The following CSMD2 variants were observed in gnomAD, a reference collection of about 807,000 sequenced individuals.
The protein encoded by CSMD2 is CUB and sushi domain-containing protein 2.
Under a neutral mutation model 398.5 loss-of-function variants are expected in CSMD2, and 130 were observed. The ratio of observed to expected loss-of-function variants is 0.33; its 90% confidence interval spans 0.28 to 0.38. CSMD2 has a LOEUF of 0.38. CSMD2 is among the 10% of genes least tolerant of loss of function. The probability of loss-of-function intolerance (pLI) is 1.00; values close to 1 mark genes in which losing one functional copy is unlikely to be tolerated. For missense variants in CSMD2, 3,829 were observed against 4,764.9 expected (o/e 0.80, Z 5.78); for synonymous variants, 1,828 against 1,908.5 (o/e 0.96, Z 1.10).
rs1652732058 is a variant in CSMD2 at position 33,781,290 on chromosome 1, C to T, written c.1663+7310G>A. On this transcript the variant is annotated intron_variant, in intron 12 of 70. Coordinates refer to ENST00000373381, the MANE Select transcript of CSMD2 (RefSeq NM_001281956.2). ...CCTTCAAGCAAGTCTCAGTTTCAGA[C>T]ATCACCTCCTCCAGGGAGACTCCCC... is the stretch of plus-strand genomic sequence containing the variant. 2.0e-5 allele frequency among the ~76,000 whole-genome samples: 3 copies of T among 152,260 alleles called. No individual in the cohort carries two copies. The South Asian group carries it at 6.2e-4, about 31-fold the overall frequency.
chr1:33,947,734 G>A (rs556500831), intron 3 of CSMD2, among the ~76,000 whole-genome samples: 4 of 152,328 alleles, frequency 2.6e-5, no homozygotes, highest in South Asian at 2.1e-4. Flanking sequence ...TTGAGTTCCC[G>A]TAGGGTGTCC....
Position 34,135,413 on chromosome 1 carries a change from G to A in CSMD2, c.187+29498C>T, listed in dbSNP as rs1431823167. Among the ~76,000 whole-genome samples the A allele has an allele frequency of 5.3e-5, 8 of 152,154 alleles. No individual in the cohort carries two copies. In the East Asian group the frequency reaches 7.7e-4, roughly 15 times the overall value. ...AGGCGGGTGGATCATGAGGTCAACA[G>A]ATCGAGACCATCTTGACCAACATGG... On this transcript the variant is annotated intron_variant, in intron 1 of 70. Coordinates refer to ENST00000373381, the MANE Select transcript of CSMD2 (RefSeq NM_001281956.2).
chr1:33,586,386 C>A (rs1367292549), intron 46 of CSMD2, 118 bp downstream of exon 46: 4 of 649,906 alleles, frequency 6.2e-6, no homozygotes, highest in South Asian at 1.7e-5. Context: ...ACCAAGTGAC[C>A]TTTCATGTTA....
chr1:33,533,087 C>T lies in CSMD2; in HGVS notation c.10134G>A (p.Ala3378=), dbSNP rs144512012. ...KGGSEHRTCK[A]DGSWTGKPPI... ...GCGGCTTGCCTGTCCAGCTGCCATC[C>T]GCCTTGCAGGTGCGGTGCTCGGAGC... Residue 3378 remains alanine, a synonymous_variant, in exon 64 of 71, where the codon GCG becomes GCA. Transcript: ENST00000373381. This position sits in a 1 kb window ranked among gnomAD's most constrained non-coding sequence, Gnocchi z 4.2. The T allele has an allele frequency of 1.1e-4, 177 of 1,613,540 alleles. No homozygotes were observed. In the East Asian group the frequency reaches 2.6e-3, roughly 24 times the overall value.
At chr1:34,025,194 G>A (rs1290649860) in intron 3 of CSMD2, among the ~76,000 whole-genome samples, 2 of 152,158 alleles carry the variant, frequency 1.3e-5, no homozygotes, top group Non-Finnish European at 2.9e-5. Context: ...GTTGCAACAC[G>A]CTGTGGTCCT....
intron 3 of CSMD2, among the ~76,000 whole-genome samples, chr1:33,994,261 G>A (rs1272798829): frequency 1.1e-4 from 17 of 152,108 alleles, no homozygotes; most frequent in Admixed American, 9.2e-4. Context: ...TATGCTTTGG[G>A]TTATGGGAGT....
At chr1:33,595,087 CA>C (rs1489145785) in intron 44 of CSMD2, among the ~76,000 whole-genome samples, 1 of 152,242 alleles carries the variant, frequency 6.6e-6, no homozygotes, top group East Asian at 1.9e-4. Flanking sequence ...CTTCACATCT[CA>C]TTCAAGTTTC....
At chr1:34,026,315 A>C (rs1649638917) in intron 3 of CSMD2, among the ~76,000 whole-genome samples, 1 of 152,172 alleles carries the variant, frequency 6.6e-6, no homozygotes, top group Non-Finnish European at 1.5e-5. Context: ...ATGGTTACCA[A>C]GGAGTCCACA....
chr1:33,731,169 T>C (rs1646705714), intron 15 of CSMD2, among the ~76,000 whole-genome samples: 1 of 152,198 alleles, frequency 6.6e-6, no homozygotes. Context: ...TTGGAAGGTG[T>C]TAGGGAATCA....
At position 33,636,581 on chromosome 1, in the gene CSMD2, C is replaced by T; in HGVS notation, c.4775-27G>A. 1 of 1,602,864 alleles carries T rather than the reference C, an allele frequency of 6.2e-7. No individual in the cohort carries two copies. On this transcript the variant is annotated intron_variant, in intron 29 of 70. Coordinates refer to ENST00000373381, the MANE Select transcript of CSMD2 (RefSeq NM_001281956.2). This position sits in a 1 kb window ranked among gnomAD's most constrained non-coding sequence, Gnocchi z 4.8. ...TGGGAAAAAGAAATACAAACACGTG[C>T]ACACACACAGAGGGCTCATGAGGAG... is the stretch of plus-strand genomic sequence containing the variant.
intron 3 of CSMD2, among the ~76,000 whole-genome samples, chr1:33,982,533 T>A (rs1384694172): frequency 6.6e-6 from 1 of 152,228 alleles, no homozygotes; most frequent in African/African-American, 2.4e-5. Context: ...AATGAGTTGA[T>A]GAATCTATCA....
chr1:33,745,696 A>T (rs1647292056), intron 13 of CSMD2, among the ~76,000 whole-genome samples: 1 of 152,196 alleles, frequency 6.6e-6, no homozygotes, highest in African/African-American at 2.4e-5. Context: ...CTGGTTCTTA[A>T]GACACATTCA....
chr1:33,708,282 G>A (rs1260041205), intron 22 of CSMD2, among the ~76,000 whole-genome samples: 1 of 151,922 alleles, frequency 6.6e-6, no homozygotes, highest in African/African-American at 2.4e-5. Flanking sequence ...GGCCATCATC[G>A]TAGTACACTG....
intron 5 of CSMD2, among the ~76,000 whole-genome samples, chr1:33,847,593 G>A (rs1199969133): frequency 2.0e-5 from 3 of 152,056 alleles, no homozygotes; most frequent in Non-Finnish European, 4.4e-5. Flanking sequence ...TCTGGCACAT[G>A]TTAGCTTAAT....
chr1:34,162,627 G>A (rs1316506245), intron 1 of CSMD2, among the ~76,000 whole-genome samples: 2 of 152,102 alleles, frequency 1.3e-5, no homozygotes, highest in Admixed American at 6.5e-5. Context: ...GGGAGGCAGA[G>A]GCAGGCGGAT....
intron 3 of CSMD2, among the ~76,000 whole-genome samples, chr1:33,976,573 C>T (rs891494493): frequency 2.0e-5 from 3 of 152,080 alleles, no homozygotes; most frequent in Non-Finnish European, 4.4e-5. Context: ...ATCCCTGACC[C>T]AAGGCAGAAG....
At chr1:33,718,265 T>C (rs1469493553) in intron 19 of CSMD2, among the ~76,000 whole-genome samples, 2 of 151,926 alleles carry the variant, frequency 1.3e-5, no homozygotes, top group African/African-American at 4.8e-5. Context: ...AGAGATCAGG[T>C]AGTGAGGGAA....
intron 2 of CSMD2, among the ~76,000 whole-genome samples, chr1:34,049,268 G>T (rs1171203326): frequency 6.6e-6 from 1 of 152,204 alleles, no homozygotes; most frequent in African/African-American, 2.4e-5. Flanking sequence ...CAGTAAGAGA[G>T]TTTGGTCACT....
intron 14 of CSMD2, 143 bp downstream of exon 14, chr1:33,743,137 T>C: frequency 1.5e-6 from 1 of 660,048 alleles, no homozygotes; most frequent in Non-Finnish European, 2.6e-6. Context: ...TGCTGGGAGC[T>C]CCATGACTGG....
Sources: gnomAD v4.1 joint callset for allele counts (sites outside exome capture counted in the v4.1 genomes callset) on GRCh38, gnomAD v4.1.1 for gene constraint, Gnocchi (gnomAD v3.1) non-coding constraint, MANE v1.5 for transcripts, NCBI Gene and HGNC (gene_info 2026-07-23, HGNC 2026-07-21) for gene names.